Variants in PITPNC1 observed in about 807,000 individuals in gnomAD.
PITPNC1 encodes the protein cytoplasmic phosphatidylinositol transfer protein 1.
PITPNC1 carries 18 observed loss-of-function variants against 44.7 expected under a neutral mutation model. The observed-to-expected ratio is 0.40, with a 90% CI of 0.28 to 0.60. The LOEUF is 0.60. PITPNC1 is among the 20% of genes least tolerant of loss of function. PITPNC1 has a pLI of 0.39. For synonymous variants in PITPNC1, 141 were observed against 149.6 expected (o/e 0.94, Z 0.42); for missense variants, 290 against 418.4 (o/e 0.69, Z 2.68).
chr17:67,603,800 C>G (rs992443298), intron 5 of PITPNC1, among the ~76,000 whole-genome samples: 1 of 152,024 alleles, frequency 6.6e-6, no homozygotes, highest in Admixed American at 6.6e-5. Context: ...CTTGGTGGTG[C>G]ATGCTTGTAA....
intron 4 of PITPNC1, among the ~76,000 whole-genome samples, chr17:67,574,074 A>G (rs1004992810): frequency 2.0e-5 from 3 of 152,208 alleles, no homozygotes; most frequent in Non-Finnish European, 4.4e-5. Context: ...CTTACAAATA[A>G]TTTGTACTGT....
At position 67,530,085 on chromosome 17, in the gene PITPNC1, C is replaced by CTTTTTTT. The variant is rs796278390; in HGVS notation, c.49-2699_49-2693dup. ...ATCCGGTTCGGACCTCAACCCTTGG[C>CTTTTTTT]TTTTTTTTTTTTTTTTTTTTTTTTG... On this transcript the variant is annotated intron_variant, in intron 1 of 8. Coordinates refer to ENST00000581322, the MANE Select transcript of PITPNC1 (RefSeq NM_012417.4). 3.9e-4 allele frequency among the ~76,000 whole-genome samples: 28 copies of CTTTTTTT among 71,248 alleles called. 1 individual carries two copies. The highest frequency in any genetic ancestry group is 5.8e-4 in the African/African-American group (10 of 17,316). The allele number at this position is 71,248 out of a possible 152,430, so 46.7% of individuals were successfully genotyped here.
At chr17:67,402,440 A>G (rs2038330365) in intron 1 of PITPNC1, among the ~76,000 whole-genome samples, 2 of 152,154 alleles carry the variant, frequency 1.3e-5, no homozygotes, top group Admixed American at 6.6e-5. Flanking sequence ...CAGAAGCCGC[A>G]TCAAACTGCT....
intron 5 of PITPNC1, among the ~76,000 whole-genome samples, chr17:67,630,220 T>C (rs1356795438): frequency 6.6e-6 from 1 of 152,058 alleles, no homozygotes; most frequent in East Asian, 1.9e-4. Context: ...TCCCGAAGAG[T>C]CAGATGTAAT....
intron 1 of PITPNC1, among the ~76,000 whole-genome samples, chr17:67,531,692 A>G (rs1024150203): frequency 5.9e-5 from 9 of 152,182 alleles, no homozygotes; most frequent in Non-Finnish European, 5.9e-5. Flanking sequence ...GGGGACCCGC[A>G]TCCCTGCAGA....
rs200220860 is a variant in PITPNC1, at chr17:67,425,190, C to T, written c.48+46988C>T. ...GTGAAATAAACAGCCATGTTGTGCG[C>T]GCGCACGCACACGCACACACACACA... On this transcript the variant is annotated intron_variant, in intron 1 of 8. Coordinates refer to ENST00000581322, the MANE Select transcript of PITPNC1 (RefSeq NM_012417.4). Among the ~76,000 whole-genome samples, 34 of 45,072 alleles carry T rather than the reference C, an allele frequency of 7.5e-4. No homozygotes were observed. The East Asian group carries it at 8.0e-3, about 11-fold the overall frequency. The allele number at this position is 45,072 out of a possible 152,430, so 29.6% of individuals were successfully genotyped here. A position where few individuals can be genotyped will look rare whatever the true frequency, so the allele number is the denominator to read the frequency against.
chr17:67,626,871 G>C (rs571144795), intron 5 of PITPNC1, among the ~76,000 whole-genome samples: 1 of 151,148 alleles, frequency 6.6e-6, no homozygotes, highest in South Asian at 2.1e-4. Flanking sequence ...TCCTGCCATA[G>C]AGTCCTCTTT....
At chr17:67,443,142 C>T (rs2039039808) in intron 1 of PITPNC1, among the ~76,000 whole-genome samples, 1 of 152,026 alleles carries the variant, frequency 6.6e-6, no homozygotes, top group African/African-American at 2.4e-5. Flanking sequence ...CCCACCTAAC[C>T]CACCAGGGCG....
intron 6 of PITPNC1, among the ~76,000 whole-genome samples, chr17:67,639,706 A>G (rs1207162246): frequency 1.3e-5 from 2 of 152,222 alleles, no homozygotes; most frequent in African/African-American, 4.8e-5. Context: ...CAGCCAGTTC[A>G]TTGGTCCCCA....
chr17:67,509,827 T>C (rs533255135), intron 1 of PITPNC1, among the ~76,000 whole-genome samples: 2 of 152,136 alleles, frequency 1.3e-5, no homozygotes, highest in South Asian at 4.2e-4. Flanking sequence ...GTGGCTGAGT[T>C]TTTATTTGGG....
At chr17:67,641,278 A>T (rs1462516480) in intron 6 of PITPNC1, among the ~76,000 whole-genome samples, 1 of 152,214 alleles carries the variant, frequency 6.6e-6, no homozygotes, top group African/African-American at 2.4e-5. Context: ...TTCCGACATG[A>T]TACAAACACA....
At chr17:67,583,803 C>T (rs535521719) in intron 5 of PITPNC1, among the ~76,000 whole-genome samples, 3 of 149,914 alleles carry the variant, frequency 2.0e-5, no homozygotes, top group Admixed American at 2.0e-4. Flanking sequence ...TCACGCTATT[C>T]TCCTGCCTCA....
chr17:67,661,781 G>A (rs1457454099), intron 6 of PITPNC1, among the ~76,000 whole-genome samples: 2 of 152,222 alleles, frequency 1.3e-5, no homozygotes, highest in East Asian at 3.9e-4. Flanking sequence ...AGCGGATCAC[G>A]AGGTCAGGAG....
Position 67,694,383 on chromosome 17 carries a change from G to A in PITPNC1, c.*1495G>A, listed in dbSNP as rs2042976520. On this transcript the variant is annotated 3_prime_UTR_variant, in exon 9 of 9. Coordinates refer to ENST00000581322, the MANE Select transcript of PITPNC1 (RefSeq NM_012417.4). ...AGGAAAGGGACCTTCCCAAAACACA[G>A]ATCCCAAAGGAAACAAAATAGACCA... The A allele has an allele frequency of 6.6e-6, 1 of 152,212 alleles. No homozygotes were observed. The highest frequency in any genetic ancestry group is 1.5e-5 in the Non-Finnish European group (1 of 68,070). The allele number at this position is 152,212 out of a possible 1,614,324, so 9.4% of individuals were successfully genotyped here.
At chr17:67,410,391 G>T (rs1200551143) in intron 1 of PITPNC1, among the ~76,000 whole-genome samples, 1 of 152,074 alleles carries the variant, frequency 6.6e-6, no homozygotes, top group Non-Finnish European at 1.5e-5. Context: ...TGGTTTGTTT[G>T]TTTTTGAGAC....
At chr17:67,527,662 C>T (rs1282123735) in intron 1 of PITPNC1, among the ~76,000 whole-genome samples, 2 of 151,946 alleles carry the variant, frequency 1.3e-5, no homozygotes, top group East Asian at 3.9e-4. Flanking sequence ...TATCTCGCCA[C>T]TGCACTCCAG....
intron 1 of PITPNC1, among the ~76,000 whole-genome samples, chr17:67,403,826 A>T (rs1247234758): frequency 6.6e-6 from 1 of 152,182 alleles, no homozygotes; most frequent in Non-Finnish European, 1.5e-5. Context: ...GTTTGAGACC[A>T]GGCTGGCCAA....
chr17:67,568,079 A>G (rs1322909082), intron 4 of PITPNC1, among the ~76,000 whole-genome samples: 1 of 152,234 alleles, frequency 6.6e-6, no homozygotes, highest in Non-Finnish European at 1.5e-5. Context: ...TATTGTTCAT[A>G]GTAGCCAAAA....
chr17:67,564,200 G>T (rs1332062925), intron 4 of PITPNC1, among the ~76,000 whole-genome samples: 1 of 135,818 alleles, frequency 7.4e-6, no homozygotes, highest in African/African-American at 2.6e-5. Context: ...TGGATGGATG[G>T]ATGAGAGGGG....
Sources: allele counts gnomAD v4.1 joint callset (sites outside exome capture counted in the v4.1 genomes callset), GRCh38; gene constraint gnomAD v4.1.1; transcripts MANE v1.5; gene names NCBI Gene and HGNC (gene_info 2026-07-23, HGNC 2026-07-21).